VTI1B: variants seen among roughly 807,000 people sequenced by gnomAD.
VTI1B encodes the protein vesicle transport through interaction with t-SNAREs homolog 1B.
A neutral mutation model predicts 28.6 loss-of-function variants in VTI1B; 18 were observed. That is an observed-to-expected ratio of 0.63 (90% CI 0.43 to 0.93). VTI1B has a LOEUF of 0.93. VTI1B is among the 40% of genes least tolerant of loss of function. The pLI is 0.00. For synonymous variants in VTI1B, 100 were observed against 107.9 expected (o/e 0.93, Z 0.46); for missense variants, 283 against 297.0 (o/e 0.95, Z 0.35).
chr14:67,661,613 T>C (rs1313604199), intron 2 of VTI1B, among the ~76,000 whole-genome samples: 1 of 146,652 alleles, frequency 6.8e-6, no homozygotes, highest in Non-Finnish European at 1.5e-5. Flanking sequence ...GCTAACCACA[T>C]GCTTGACCTC....
chr14:67,652,132 C>T (rs888927555), intron 5 of VTI1B, among the ~76,000 whole-genome samples: 9 of 152,184 alleles, frequency 5.9e-5, no homozygotes, highest in African/African-American at 1.2e-4. Context: ...CCCAAGGTCA[C>T]GTACAATACC....
Position 67,662,512 on chromosome 14 carries a change from C to T in VTI1B, c.139G>A (p.Asp47Asn), listed in dbSNP as rs1237992029. 1.2e-6 allele frequency: 2 copies of T among 1,611,488 alleles called. No homozygotes were observed. Among genetic ancestry groups the T allele is most frequent in the South Asian group, 2.2e-5 (2 of 90,586 alleles). The part of the protein sequence containing the change: ...GTEEKKKLIR[D>N]FDEKQQEANE... ...GCTTCCTGTTGCTTTTCATCAAAAT[C>T]CCTGATCAATTTCTTCTTTTCTTCT... is the stretch of plus-strand genomic sequence containing the variant. Residue 47 changes from aspartate (D) to asparagine (N), a missense_variant, in exon 2 of 6, where the codon GAT becomes AAT. Transcript: ENST00000554659.
intron 2 of VTI1B, among the ~76,000 whole-genome samples, chr14:67,661,586 G>A (rs1262844699): frequency 7.0e-6 from 1 of 142,290 alleles, no homozygotes; most frequent in Non-Finnish European, 1.5e-5. Context: ...AGACTGGAGT[G>A]CAGTGGTGCA....
At chr14:67,671,584 CTT>C (rs1477029313) in intron 1 of VTI1B, among the ~76,000 whole-genome samples, 2 of 152,244 alleles carry the variant, frequency 1.3e-5, no homozygotes, top group East Asian at 1.9e-4. Flanking sequence ...TGATTGTCCT[CTT>C]TGCAGGATGG....
At position 67,659,728 on chromosome 14, in the gene VTI1B, T is replaced by C; in HGVS notation, c.366+3A>G. On this transcript the variant is annotated splice_donor_region_variant and intron_variant, in intron 3 of 5. Coordinates refer to ENST00000554659, the MANE Select transcript of VTI1B (RefSeq NM_006370.3). ...AAAAACAAACAAAACAGCTAAAACT[T>C]ACCATATGCTCATTCTCTACAGCAT... 3 of 1,587,312 alleles carry C rather than the reference T, an allele frequency of 1.9e-6. No individual in the cohort carries two copies. The highest frequency in any genetic ancestry group is 2.6e-6 in the Non-Finnish European group (3 of 1,169,212).
At chr14:67,663,165 T>A in intron 1 of VTI1B, 1 of 1,533,442 alleles carries the variant, frequency 6.5e-7, no homozygotes, top group Non-Finnish European at 8.7e-7. Context: ...AGTGTATCTT[T>A]AATACCTAAA....
intron 2 of VTI1B, among the ~76,000 whole-genome samples, chr14:67,661,559 G>T (rs2140827208): frequency 7.1e-6 from 1 of 141,484 alleles, no homozygotes; most frequent in African/African-American, 2.7e-5. Flanking sequence ...TTTGAGGCAG[G>T]TCTCACTCTG....
chr14:67,651,288 C>G lies in VTI1B; in HGVS notation c.*97G>C. On this transcript the variant is annotated 3_prime_UTR_variant, in exon 6 of 6. Coordinates refer to ENST00000554659, the MANE Select transcript of VTI1B (RefSeq NM_006370.3). ...GCTATACAGTGCATCCTTGAACTGT[C>G]AGCCCACAGCAGCAATATGCTTATT... 1 of 1,599,724 alleles carries G rather than the reference C, an allele frequency of 6.3e-7. No homozygotes were observed. The highest frequency in any genetic ancestry group is 8.5e-7 in the Non-Finnish European group (1 of 1,173,118).
chr14:67,674,565 C>T lies in VTI1B; in HGVS notation c.-76G>A. On this transcript the variant is annotated 5_prime_UTR_variant, in exon 1 of 6. Coordinates refer to ENST00000554659, the MANE Select transcript of VTI1B (RefSeq NM_006370.3). ...CTTTCCTAGCCCGGCGGTCAGCCGCCCAGCCCAGTGGCCATAACGGCGACC... is the reference window on the plus strand; with the variant it reads ...CTTTCCTAGCCCGGCGGTCAGCCGCTCAGCCCAGTGGCCATAACGGCGACC... 3.0e-6 allele frequency: 4 copies of T among 1,336,720 alleles called. No individual in the cohort carries two copies. Among genetic ancestry groups the T allele is most frequent in the Non-Finnish European group, 4.0e-6 (4 of 1,005,232 alleles). 82.8% of individuals were successfully genotyped at this position (1,336,720 alleles called of 1,614,324 possible).
intron 3 of VTI1B, 139 bp from the exon 4 acceptor site, chr14:67,656,728 G>A: frequency 1.1e-6 from 1 of 943,470 alleles, no homozygotes. Flanking sequence ...AACCAAAGAA[G>A]CTAATGATTC....
intron 1 of VTI1B, among the ~76,000 whole-genome samples, chr14:67,667,088 T>A (rs1480663239): frequency 6.6e-6 from 1 of 152,136 alleles, no homozygotes; most frequent in Admixed American, 6.6e-5. Context: ...TGTGAGGGAC[T>A]CTCTGGGACC....
intron 1 of VTI1B, among the ~76,000 whole-genome samples, chr14:67,665,824 T>C (rs1398738249): frequency 6.6e-6 from 1 of 152,118 alleles, no homozygotes; most frequent in Admixed American, 6.5e-5. Flanking sequence ...ATTTTCTCCA[T>C]ACCACTCACA....
Position 67,674,460 on chromosome 14 carries a change from A to G in VTI1B, c.30T>C (p.His10=), listed in dbSNP as rs1160816834. MASSAASSE[H]FEKLHEIFRG... is the part of the protein sequence containing the mutation. Reference sequence around the variant, plus strand: ...GGAAGATCTCGTGCAGCTTCTCGAAATGCTCCGAGGAGGCGGCGGAGGAGG... The same window carrying G: ...GGAAGATCTCGTGCAGCTTCTCGAAGTGCTCCGAGGAGGCGGCGGAGGAGG... Residue 10 remains histidine, a synonymous_variant, in exon 1 of 6, where the codon CAT becomes CAC. Coordinates refer to ENST00000554659, the MANE Select transcript of VTI1B (RefSeq NM_006370.3). The G allele has an allele frequency of 9.9e-6, 16 of 1,608,582 alleles. No homozygotes were observed. Among genetic ancestry groups the G allele is most frequent in the Non-Finnish European group, 1.2e-5 (14 of 1,178,594 alleles).
intron 1 of VTI1B, among the ~76,000 whole-genome samples, chr14:67,667,150 A>T (rs1239457295): frequency 6.6e-6 from 1 of 152,188 alleles, no homozygotes; most frequent in Non-Finnish European, 1.5e-5. Context: ...AGTAAAATGG[A>T]AACAGACAGC....
At chr14:67,659,653 T>C in intron 3 of VTI1B, 78 bp downstream of exon 3, 2 of 1,408,574 alleles carry the variant, frequency 1.4e-6, no homozygotes, top group East Asian at 2.3e-5. Context: ...TAACATGAAA[T>C]ACCCCAACAA....
chr14:67,656,245 C>CAA (rs35058430), intron 4 of VTI1B, among the ~76,000 whole-genome samples, 171 bp downstream of exon 4: 36 of 126,998 alleles, frequency 2.8e-4, no homozygotes, highest in South Asian at 1.2e-3. Flanking sequence ...GACTCTATCT[C>CAA]AAAAAAAAAA....
intron 1 of VTI1B, among the ~76,000 whole-genome samples, chr14:67,672,913 C>G (rs943231637): frequency 1.3e-5 from 2 of 152,240 alleles, no homozygotes; most frequent in Non-Finnish European, 2.9e-5. Flanking sequence ...CCATCCCAAA[C>G]ACATGGAACT....
At chr14:67,661,278 CA>C (rs1208811725) in intron 2 of VTI1B, among the ~76,000 whole-genome samples, 223 of 56,556 alleles carry the variant, frequency 3.9e-3, no homozygotes, top group Admixed American at 8.0e-3. Context: ...AGGGCTAGAG[CA>C]AAAAAAAAAA....
chr14:67,670,236 A>G (rs572013571), intron 1 of VTI1B, among the ~76,000 whole-genome samples: 5 of 152,000 alleles, frequency 3.3e-5, no homozygotes, highest in Admixed American at 6.6e-5. Flanking sequence ...ACATCAATCA[A>G]CTGCTTTACG....
Sources: allele counts gnomAD v4.1 joint callset (sites outside exome capture counted in the v4.1 genomes callset), GRCh38; gene constraint gnomAD v4.1.1; transcripts MANE v1.5; gene names NCBI Gene and HGNC (gene_info 2026-07-23, HGNC 2026-07-21).